CAMTA1: variants seen among roughly 807,000 people sequenced by gnomAD.
CAMTA1 encodes the protein calmodulin-binding transcription activator 1.
Under a neutral mutation model 170.9 loss-of-function variants are expected in CAMTA1, and 27 were observed. The ratio of observed to expected loss-of-function variants is 0.16; its 90% CI spans 0.12 to 0.22. CAMTA1 has a LOEUF of 0.22. Among genes scored for constraint, CAMTA1 ranks in the 10% least tolerant of loss-of-function variants. The pLI is 1.00. For synonymous variants in CAMTA1, 833 were observed against 891.5 expected, an observed-to-expected ratio of 0.93 and a Z score of 1.17; for missense variants, 1,619 against 2,217.2, an observed-to-expected ratio of 0.73 and a Z score of 5.42.
intron 4 of CAMTA1, among the ~76,000 whole-genome samples, chr1:7,206,831 C>G (rs1172370990): frequency 1.3e-5 from 2 of 152,170 alleles, no homozygotes; most frequent in Non-Finnish European, 2.9e-5. Context: ...GGCACAGAAG[C>G]AGCATGCTTT....
intron 5 of CAMTA1, among the ~76,000 whole-genome samples, chr1:7,267,787 C>A (rs909038669): frequency 6.6e-6 from 1 of 152,138 alleles, no homozygotes; most frequent in African/African-American, 2.4e-5. Flanking sequence ...ACATTGGGAT[C>A]TTGGGGCCCT....
intron 5 of CAMTA1, among the ~76,000 whole-genome samples, chr1:7,386,252 C>T (rs964869594): frequency 2.0e-5 from 3 of 152,252 alleles, no homozygotes; most frequent in Non-Finnish European, 4.4e-5. Context: ...GCTTCGCAGG[C>T]CCAAGAGGCA....
Position 6,987,223 on chromosome 1 carries a change from C to T in CAMTA1, c.235-104081C>T, listed in dbSNP as rs546048486. ...TGTCACCCAGGCTGGAGTGCAGTGG[C>T]GCAATCTTAGCTCACTGCAACCTCT... On this transcript the variant is annotated intron_variant, in intron 3 of 22. Coordinates refer to ENST00000303635, the MANE Select transcript of CAMTA1 (RefSeq NM_015215.4). 2.5e-4 allele frequency among the ~76,000 whole-genome samples: 38 copies of T among 150,784 alleles called. No individual in the cohort carries two copies. In the South Asian group the frequency reaches 4.8e-3, roughly 19 times the overall value.
In CAMTA1 at chr1:7,014,078, G is replaced by A. The variant is rs114158852; in HGVS notation, c.235-77226G>A. Among the ~76,000 whole-genome samples, 3,097 of 152,352 alleles carry A rather than the reference G, an allele frequency of 0.02. 56 individuals carry two copies. Among genetic ancestry groups the A allele is most frequent in the Middle Eastern group, 0.054 (16 of 294 alleles). On this transcript the variant is annotated intron_variant, in intron 3 of 22. Coordinates refer to ENST00000303635, the MANE Select transcript of CAMTA1 (RefSeq NM_015215.4). This position sits in a 1 kb window ranked among gnomAD's most constrained non-coding sequence, Gnocchi z 4.2. ...GGGAGATAGGGAACCTGTCGAGTGCGGTTCTGAAGGGCTTGCTCTGCCAAG... is the reference window on the plus strand; with the variant it reads ...GGGAGATAGGGAACCTGTCGAGTGCAGTTCTGAAGGGCTTGCTCTGCCAAG...
intron 3 of CAMTA1, among the ~76,000 whole-genome samples, chr1:6,974,233 C>G (rs926857177): frequency 6.6e-6 from 1 of 152,134 alleles, no homozygotes; most frequent in South Asian, 2.1e-4. Context: ...AGGGGAAACC[C>G]GGAGTCGGAG....
intron 5 of CAMTA1, among the ~76,000 whole-genome samples, chr1:7,368,389 C>T (rs1245808854): frequency 6.6e-6 from 1 of 151,402 alleles, no homozygotes; most frequent in Non-Finnish European, 1.5e-5. Context: ...TGGGTGCAGG[C>T]CCTGGGCACT....
At chr1:7,242,934 C>G (rs1350175862) in intron 4 of CAMTA1, among the ~76,000 whole-genome samples, 2 of 151,884 alleles carry the variant, frequency 1.3e-5, no homozygotes, top group African/African-American at 2.4e-5. Context: ...TGCACTCCAG[C>G]CTGGGCGACA....
chr1:7,600,626 G>A (rs1007129540), intron 6 of CAMTA1, among the ~76,000 whole-genome samples: 1 of 151,888 alleles, frequency 6.6e-6, no homozygotes, highest in Non-Finnish European at 1.5e-5. Flanking sequence ...AGAGGACCCT[G>A]CGGCCTTCCA....
chr1:7,157,106 G>A (rs1646929348), intron 4 of CAMTA1, among the ~76,000 whole-genome samples: 1 of 152,116 alleles, frequency 6.6e-6, no homozygotes. Context: ...CACTTTGGGA[G>A]GCTGAGGTGG....
intron 5 of CAMTA1, among the ~76,000 whole-genome samples, chr1:7,339,569 T>C (rs6674628): frequency 0.67 from 101,700 of 151,572 alleles, 35,640 homozygotes; most frequent in African/African-American, 0.88. Flanking sequence ...GATCTCACTC[T>C]GTTTTGTTTG....
chr1:6,817,782 G>A (rs1231161228), intron 1 of CAMTA1, among the ~76,000 whole-genome samples: 1 of 152,202 alleles, frequency 6.6e-6, no homozygotes, highest in African/African-American at 2.4e-5. Flanking sequence ...ACAGGCGTGA[G>A]CCACTGTGCC....
At chr1:7,654,911 A>G (rs1260905226) in intron 7 of CAMTA1, among the ~76,000 whole-genome samples, 1 of 135,358 alleles carries the variant, frequency 7.4e-6, no homozygotes, top group African/African-American at 2.9e-5. Flanking sequence ...TACACCCACA[A>G]ACACACCCAT....
At chr1:7,675,162 G>T (rs193091005) in intron 10 of CAMTA1, among the ~76,000 whole-genome samples, 6 of 152,326 alleles carry the variant, frequency 3.9e-5, no homozygotes. Flanking sequence ...TCCAGGCCAG[G>T]TAGAGGGTAG....
chr1:7,152,221 A>T (rs1573488629), intron 4 of CAMTA1, among the ~76,000 whole-genome samples: 2 of 152,332 alleles, frequency 1.3e-5, no homozygotes, highest in Middle Eastern at 6.8e-3. Flanking sequence ...CATGGGAAGA[A>T]TCCTGGGTAA....
At chr1:7,139,897 G>C (rs567077508) in intron 4 of CAMTA1, among the ~76,000 whole-genome samples, 144 of 152,272 alleles carry the variant, frequency 9.5e-4, no homozygotes, top group Non-Finnish European at 1.8e-3. Context: ...AAAGTGGCTG[G>C]CTCATTCAGC....
At position 7,634,096 on chromosome 1, in the gene CAMTA1, C is replaced by T. The variant is rs766802038; in HGVS notation, c.511-6304C>T. Reference sequence around the variant, plus strand: ...CTGATCTCAGTGCCAAGGAGCCGTCCGGAACAGCCCAACCACGCCTGCTGC... The same window carrying T: ...CTGATCTCAGTGCCAAGGAGCCGTCTGGAACAGCCCAACCACGCCTGCTGC... On this transcript the variant is annotated intron_variant, in intron 6 of 22. Coordinates refer to ENST00000303635, the MANE Select transcript of CAMTA1 (RefSeq NM_015215.4). This position sits in a 1 kb window ranked among gnomAD's most constrained non-coding sequence, Gnocchi z 6.2. Among the ~76,000 whole-genome samples the T allele has an allele frequency of 1.1e-4, 17 of 152,126 alleles. No homozygotes were observed. Among genetic ancestry groups the T allele is most frequent in the Non-Finnish European group, 1.9e-4 (13 of 68,034 alleles).
chr1:7,705,448 T>C (rs983140056), intron 11 of CAMTA1, among the ~76,000 whole-genome samples: 3 of 147,472 alleles, frequency 2.0e-5, no homozygotes, highest in Admixed American at 2.0e-4. Flanking sequence ...GATGAGCTTC[T>C]GGAGTGGTGC....
Position 6,825,135 on chromosome 1 carries a change from A to G in CAMTA1, c.159A>G (p.Leu53=). The change falls in exon 3 of 23, where the codon TTA becomes TTG. Residue 53 remains leucine (L), a synonymous_variant. Coordinates refer to ENST00000303635, the MANE Select transcript of CAMTA1 (RefSeq NM_015215.4). ...ATAGTAGTCATGTAAAAATCTTTTTACCGAAAAAGCTGCTTGAATGTCTGC... is the reference window on the plus strand; with the variant it reads ...ATAGTAGTCATGTAAAAATCTTTTTGCCGAAAAAGCTGCTTGAATGTCTGC... ...NSNSSHVKIF[L]PKKLLECLPK... 3 of 1,610,666 alleles carry G rather than the reference A, an allele frequency of 1.9e-6. No homozygotes were observed. The highest frequency in any genetic ancestry group is 2.5e-6 in the Non-Finnish European group (3 of 1,178,686).
chr1:7,454,831 A>G (rs905088610), intron 5 of CAMTA1, among the ~76,000 whole-genome samples: 7 of 152,050 alleles, frequency 4.6e-5, no homozygotes, highest in African/African-American at 1.7e-4. Context: ...GTGTTAAAGG[A>G]AGGTTGGCTT....
Sources: allele counts gnomAD v4.1 joint callset (sites outside exome capture counted in the v4.1 genomes callset), GRCh38; gene constraint gnomAD v4.1.1; non-coding constraint Gnocchi (gnomAD v3.1); transcripts MANE v1.5; gene names NCBI Gene and HGNC (gene_info 2026-07-23, HGNC 2026-07-21).